The following NCAM1 variants were observed in gnomAD, a reference collection of about 807,000 sequenced individuals.
NCAM1 encodes neural cell adhesion molecule 1.
A neutral mutation model predicts 109.8 loss-of-function variants in NCAM1; 14 were observed. The ratio of observed to expected loss-of-function variants is 0.13; its 90% CI spans 0.08 to 0.20. The LOEUF (loss-of-function observed/expected upper bound fraction) is 0.20. Ranked by LOEUF, NCAM1 falls within the 10% of genes least tolerant of loss-of-function variation. The probability of loss-of-function intolerance (pLI) is 1.00; values close to 1 mark genes in which losing one functional copy is unlikely to be tolerated. For synonymous variants in NCAM1, 418 were observed against 442.9 expected (o/e 0.94, Z 0.70); for missense variants, 774 against 1,109.9 (o/e 0.70, Z 4.30).
intron 1 of NCAM1, among the ~76,000 whole-genome samples, chr11:113,059,351 CTG>C (rs781976363): frequency 3.3e-5 from 5 of 152,216 alleles, no homozygotes; most frequent in Non-Finnish European, 7.3e-5. Context: ...CTTAAAACAG[CTG>C]CCTTCTTTTC....
chr11:113,260,129 C>A lies in NCAM1; in HGVS notation c.1954-17C>A, dbSNP rs781950473. Reference sequence around the variant, plus strand: ...TTTTTGGTCTCTTGTATCCTTCTTGCCGGTTTCTCCCAGAAGCTCTCCTCC... The same window carrying A: ...TTTTTGGTCTCTTGTATCCTTCTTGACGGTTTCTCCCAGAAGCTCTCCTCC... On this transcript the variant is annotated splice_polypyrimidine_tract_variant and intron_variant, in intron 16 of 19. Coordinates refer to ENST00000316851, the MANE Select transcript of NCAM1 (RefSeq NM_181351.5). 6.2e-7 allele frequency: 1 copy of A among 1,600,300 alleles called. No homozygotes were observed. The highest frequency in any genetic ancestry group is 2.2e-5 in the East Asian group (1 of 44,676).
intron 9 of NCAM1, among the ~76,000 whole-genome samples, chr11:113,222,812 C>G (rs1555115543): frequency 6.6e-6 from 1 of 152,150 alleles, no homozygotes; most frequent in African/African-American, 2.4e-5. Flanking sequence ...AAAGCAGACA[C>G]CTCACTCTGT....
chr11:113,116,572 A>T (rs1555094927), intron 1 of NCAM1, among the ~76,000 whole-genome samples: 1 of 152,256 alleles, frequency 6.6e-6, no homozygotes, highest in African/African-American at 2.4e-5. Flanking sequence ...GGAGTTATTT[A>T]AATTTATCGA....
Position 113,214,374 on chromosome 11 carries a change from C to T in NCAM1, c.922C>T (p.Pro308Ser), listed in dbSNP as rs1192048729. 1 of 1,613,172 alleles carries T rather than the reference C, an allele frequency of 6.2e-7. No homozygotes were observed. Among genetic ancestry groups the T allele is most frequent in the Non-Finnish European group, 8.5e-7 (1 of 1,179,694 alleles). The change falls in exon 8 of 20, where the codon CCC (proline) becomes TCC (serine). Residue 308 changes from proline (P) to serine (S), a missense_variant. Transcript: ENST00000316851. Reference protein sequence around the residue: ...ATIHLKVFAKPKITYVENQTA... With the variant: ...ATIHLKVFAKSKITYVENQTA... ...GAAATGTTTTGTCTTTTCAGCAAAA[C>T]CCAAAATCACATATGTAGAGAACCA... is the stretch of plus-strand genomic sequence containing the variant.
chr11:113,049,184 G>C (rs1953376225), intron 1 of NCAM1, among the ~76,000 whole-genome samples: 1 of 152,048 alleles, frequency 6.6e-6, no homozygotes, highest in African/African-American at 2.4e-5. Flanking sequence ...AAATGGCACT[G>C]AATGCACTAA....
At chr11:113,093,520 C>T (rs1555089754) in intron 1 of NCAM1, among the ~76,000 whole-genome samples, 1 of 152,134 alleles carries the variant, frequency 6.6e-6, no homozygotes, top group East Asian at 1.9e-4. Context: ...GTGAAGGTTC[C>T]ACAACCCCTT....
At chr11:113,232,121 G>A (rs1189629647) in intron 10 of NCAM1, 49 bp from the exon 11 acceptor site, 5 of 1,501,960 alleles carry the variant, frequency 3.3e-6, no homozygotes, top group Non-Finnish European at 4.5e-6. Flanking sequence ...GGATATGGGG[G>A]CTTCATAATC....
chr11:113,201,452 T>C (rs2226849), intron 1 of NCAM1, among the ~76,000 whole-genome samples: 27,394 of 152,086 alleles, frequency 0.18, 3,088 homozygotes, highest in African/African-American at 0.32. Flanking sequence ...GCCTTTAGAT[T>C]TGGGGTTTAC....
In NCAM1 at chr11:113,030,385, C is replaced by T. The variant is rs558517121; in HGVS notation, c.52+68721C>T. 2.0e-5 allele frequency among the ~76,000 whole-genome samples: 3 copies of T among 152,264 alleles called. No individual in the cohort carries two copies. In the South Asian group the frequency reaches 6.2e-4, roughly 32 times the overall value. On this transcript the variant is annotated intron_variant, in intron 1 of 19. Transcript: ENST00000316851. ...TTTAGGAGTATATATTGGAAGTTCT[C>T]TCAACTCTGTGATAAGAGGATCTAG...
At chr11:113,182,372 C>G (rs1280507100) in intron 1 of NCAM1, among the ~76,000 whole-genome samples, 8 of 152,156 alleles carry the variant, frequency 5.3e-5, no homozygotes, top group African/African-American at 1.7e-4. Context: ...CTGTTCCTTC[C>G]TTCACTGTCC....
chr11:113,107,403 T>G (rs1219708805), intron 1 of NCAM1, among the ~76,000 whole-genome samples: 1 of 152,176 alleles, frequency 6.6e-6, no homozygotes, highest in South Asian at 2.1e-4. Flanking sequence ...AGATTTAACA[T>G]GAAGAAAGAA....
chr11:113,100,670 T>C (rs1939832864), intron 1 of NCAM1, among the ~76,000 whole-genome samples: 1 of 152,126 alleles, frequency 6.6e-6, no homozygotes, highest in Non-Finnish European at 1.5e-5. Context: ...TCTCCTTCTC[T>C]GCCACACCAC....
intron 1 of NCAM1, among the ~76,000 whole-genome samples, chr11:113,085,997 G>A (rs530853439): frequency 1.3e-5 from 2 of 152,272 alleles, no homozygotes; most frequent in East Asian, 1.9e-4. Context: ...TCCATAAGCC[G>A]CATTACACAT....
intron 1 of NCAM1, among the ~76,000 whole-genome samples, chr11:113,092,051 G>T (rs1555089455): frequency 6.6e-6 from 1 of 151,550 alleles, no homozygotes; most frequent in African/African-American, 2.4e-5. Context: ...CCAGTTTTCT[G>T]GGACAGCCTT....
intron 1 of NCAM1, among the ~76,000 whole-genome samples, chr11:112,974,166 A>G (rs533812897): frequency 2.0e-5 from 3 of 152,208 alleles, no homozygotes; most frequent in Non-Finnish European, 4.4e-5. Flanking sequence ...TGAAGAATGA[A>G]GAAGTAACGG....
At chr11:113,148,065 C>G (rs1942083348) in intron 1 of NCAM1, among the ~76,000 whole-genome samples, 1 of 152,086 alleles carries the variant, frequency 6.6e-6, no homozygotes. Flanking sequence ...TTTTGAGTAC[C>G]ACACAGAGAA....
chr11:113,136,447 C>G (rs1231697051), intron 1 of NCAM1, among the ~76,000 whole-genome samples: 3 of 152,116 alleles, frequency 2.0e-5, no homozygotes, highest in African/African-American at 7.2e-5. Flanking sequence ...GGTGCAGGAG[C>G]AAGGCCCCCC....
At chr11:113,096,696 TC>T (rs1212594992) in intron 1 of NCAM1, among the ~76,000 whole-genome samples, 6 of 152,220 alleles carry the variant, frequency 3.9e-5, no homozygotes, top group African/African-American at 1.4e-4. Context: ...ATGCAGTGGA[TC>T]CCTTTTTAAC....
chr11:113,071,007 G>A (rs550011227), intron 1 of NCAM1, among the ~76,000 whole-genome samples: 1 of 152,242 alleles, frequency 6.6e-6, no homozygotes, highest in East Asian at 1.9e-4. Context: ...ATAGATGGTT[G>A]GGTTGATCCT....
Sources: allele counts gnomAD v4.1 joint callset (sites outside exome capture counted in the v4.1 genomes callset), GRCh38; gene constraint gnomAD v4.1.1; transcripts MANE v1.5; gene names NCBI Gene and HGNC (gene_info 2026-07-23, HGNC 2026-07-21).